TMEM44: variants seen among roughly 807,000 people sequenced by gnomAD.
TMEM44 encodes the protein transmembrane protein 44.
In TMEM44, 43 loss-of-function variants were observed where a neutral mutation model predicts 47.8. That is an observed-to-expected ratio of 0.90 (90% CI 0.70 to 1.16). The LOEUF (loss-of-function observed/expected upper bound fraction) is 1.16, where lower values mean the gene tolerates loss of function less well. Ranked by LOEUF, TMEM44 falls within the 50% of genes most tolerant of loss-of-function variation. The probability of loss-of-function intolerance (pLI) is 0.00; values close to 1 mark genes in which losing one functional copy is unlikely to be tolerated. For synonymous variants in TMEM44, 277 were observed against 238.8 expected, an observed-to-expected ratio of 1.16 and a Z score of -1.48; for missense variants, 568 against 555.2, an observed-to-expected ratio of 1.02 and a Z score of -0.23.
chr3:194,618,547 TTA>T (rs950107470), intron 5 of TMEM44, among the ~76,000 whole-genome samples: 11 of 123,480 alleles, frequency 8.9e-5, no homozygotes, highest in Non-Finnish European at 1.3e-4. Flanking sequence ...ATAAATTAAA[TTA>T]TATATAGTTA....
Position 194,588,610 on chromosome 3 carries a change from G to A in TMEM44, c.1206C>T (p.Gly402=). Residue 402 remains glycine (G), a synonymous_variant, in exon 10 of 10, where the codon GGC becomes GGT. Transcript: ENST00000347147. ...EWDPEDVNLE[G]SKENVELLGS... ...CCAGTAGCTCCACATTTTCTTTGCT[G>A]CCTTCGAGGTTCACATCTTCAGGGT... 6.2e-7 allele frequency: 1 copy of A among 1,614,186 alleles called. No individual in the cohort carries two copies. Among genetic ancestry groups the A allele is most frequent in the Non-Finnish European group, 8.5e-7 (1 of 1,180,038 alleles).
chr3:194,633,222 G>GCTGGGCGCGCGGCGCGGGGCCGGGGAC lies in TMEM44; in HGVS notation c.-34_-8dup, dbSNP rs1460363439. On this transcript the variant is annotated 5_prime_UTR_variant, in exon 1 of 10. Coordinates refer to ENST00000347147, the MANE Select transcript of TMEM44 (RefSeq NM_001011655.3). ...GGCTGGGCGCCTCCCCCATGGCGCGGCTGGGCGCGCGGCGCGGGGCCGGGG... is the reference window on the plus strand; with the variant it reads ...GGCTGGGCGCCTCCCCCATGGCGCGGCTGGGCGCGCGGCGCGGGGCCGGGGACCTGGGCGCGCGGCGCGGGGCCGGGG... 1 of 1,387,030 alleles carries GCTGGGCGCGCGGCGCGGGGCCGGGGAC rather than the reference G, an allele frequency of 7.2e-7. No individual in the cohort carries two copies. Among genetic ancestry groups the GCTGGGCGCGCGGCGCGGGGCCGGGGAC allele is most frequent in the African/African-American group, 1.5e-5 (1 of 65,040 alleles). 85.9% of individuals were successfully genotyped at this position (1,387,030 alleles called of 1,614,324 possible). A position where few individuals can be genotyped will look rare whatever the true frequency, so the allele number is the denominator to read the frequency against.
intron 9 of TMEM44, among the ~76,000 whole-genome samples, chr3:194,595,671 G>A (rs1036589424): frequency 2.0e-5 from 3 of 150,246 alleles, no homozygotes; most frequent in African/African-American, 7.4e-5. Flanking sequence ...TGTTGCCCAG[G>A]CTCGAGTACA....
At chr3:194,594,267 A>C (rs1713142882) in intron 9 of TMEM44, among the ~76,000 whole-genome samples, 1 of 151,452 alleles carries the variant, frequency 6.6e-6, no homozygotes. Context: ...AGGTTCAAGC[A>C]ATTCTCCTGC....
At chr3:194,628,634 C>G in intron 1 of TMEM44, 125 bp from the exon 2 acceptor site, 1 of 1,218,690 alleles carries the variant, frequency 8.2e-7, no homozygotes, top group Non-Finnish European at 1.1e-6. Flanking sequence ...GTATTTAGGA[C>G]GTGTTTTTGA....
At chr3:194,628,575 A>G (rs2108603743) in intron 1 of TMEM44, 66 bp from the exon 2 acceptor site, 1 of 1,518,628 alleles carries the variant, frequency 6.6e-7, no homozygotes. Flanking sequence ...CATGTATCTA[A>G]AAAGGGCAAC....
In TMEM44 at chr3:194,618,129, G is replaced by A. The variant is rs575879421; in HGVS notation, c.613-860C>T. ...GCAAGAACAGCCTAACACAGAGACC[G>A]GATCAGAAGAGCTGAGGCCCGGCCC... On this transcript the variant is annotated intron_variant, in intron 5 of 9. Transcript: ENST00000347147. Among the ~76,000 whole-genome samples, 4 of 152,280 alleles carry A rather than the reference G, an allele frequency of 2.6e-5. No individual in the cohort carries two copies. In the South Asian group the frequency reaches 6.2e-4, roughly 24 times the overall value.
intron 9 of TMEM44, among the ~76,000 whole-genome samples, chr3:194,600,939 C>T (rs1172069173): frequency 1.3e-5 from 2 of 152,190 alleles, no homozygotes; most frequent in East Asian, 1.9e-4. Context: ...TATCTCTTTA[C>T]AGGACCTCAG....
chr3:194,617,610 C>G, intron 5 of TMEM44: 5 of 701,282 alleles, frequency 7.1e-6, no homozygotes, highest in Non-Finnish European at 1.3e-5. Flanking sequence ...TCAGAGAGCT[C>G]CTGAGGGCTG....
intron 5 of TMEM44, among the ~76,000 whole-genome samples, chr3:194,621,206 G>A (rs1042925133): frequency 5.9e-5 from 9 of 152,026 alleles, no homozygotes; most frequent in African/African-American, 9.7e-5. Flanking sequence ...GGAAGGCCAC[G>A]AGAAACCCAG....
At chr3:194,615,091 T>A (rs111654617) in intron 7 of TMEM44, among the ~76,000 whole-genome samples, 2,852 of 151,884 alleles carry the variant, frequency 0.019, 87 homozygotes, top group African/African-American at 0.065. Context: ...AAATACAAAA[T>A]ATTAGCCGGG....
At chr3:194,593,044 C>T in intron 9 of TMEM44, 1 of 1,613,934 alleles carries the variant, frequency 6.2e-7, no homozygotes, top group Non-Finnish European at 8.5e-7. Context: ...TCCATACCTG[C>T]TCCGAGTTTA....
Position 194,633,162 on chromosome 3 carries a change from G to C in TMEM44, c.54C>G (p.Asp18Glu). The C allele has an allele frequency of 6.5e-7, 1 of 1,547,352 alleles. No homozygotes were observed. The highest frequency in any genetic ancestry group is 8.7e-7 in the Non-Finnish European group (1 of 1,146,190). The change falls in exon 1 of 10, where the codon GAC becomes GAG. Residue 18 changes from aspartate to glutamate, a missense_variant. Coordinates refer to ENST00000347147, the MANE Select transcript of TMEM44 (RefSeq NM_001011655.3). ...APALWDWDYL[D>E]RCFARHRVCI... ...AGACGCGGTGGCGGGCGAAGCAGCG[G>C]TCCAGGTAGTCCCAGTCCCAGAGCG... is the stretch of plus-strand genomic sequence containing the variant.
At chr3:194,604,607 G>A (rs1337310357) in intron 8 of TMEM44, among the ~76,000 whole-genome samples, 162 bp from the exon 9 acceptor site, 1 of 152,194 alleles carries the variant, frequency 6.6e-6, no homozygotes, top group African/African-American at 2.4e-5. Context: ...TCTCCCCAGG[G>A]CAGCCAGTGC....
intron 8 of TMEM44, among the ~76,000 whole-genome samples, chr3:194,606,129 C>T (rs997241559): frequency 5.9e-5 from 9 of 152,116 alleles, no homozygotes; most frequent in African/African-American, 4.8e-5. Flanking sequence ...ACCACACCTG[C>T]GTCAAAAGAT....
intron 2 of TMEM44, among the ~76,000 whole-genome samples, chr3:194,626,815 C>G (rs1717234976): frequency 6.6e-6 from 1 of 151,774 alleles, no homozygotes; most frequent in Non-Finnish European, 1.5e-5. Context: ...TCCCGAGCAG[C>G]TGGGACTTCA....
chr3:194,606,952 CA>C (rs561876150), intron 8 of TMEM44, among the ~76,000 whole-genome samples: 14 of 111,750 alleles, frequency 1.3e-4, no homozygotes, highest in Non-Finnish European at 2.1e-4. Context: ...GACTCTGCCT[CA>C]AAAAAAAAAA....
intron 9 of TMEM44, among the ~76,000 whole-genome samples, chr3:194,600,854 C>G (rs1190749873): frequency 6.6e-6 from 1 of 152,204 alleles, no homozygotes; most frequent in Non-Finnish European, 1.5e-5. Context: ...TGTTGTAAGT[C>G]TATATTCAGT....
intron 9 of TMEM44, among the ~76,000 whole-genome samples, chr3:194,596,263 C>T (rs185876519): frequency 6.0e-4 from 92 of 152,216 alleles, no homozygotes; most frequent in African/African-American, 2.2e-3. Context: ...GGAGGCAGAG[C>T]GCGCCTGCAT....
Sources: gnomAD v4.1 joint callset for allele counts (sites outside exome capture counted in the v4.1 genomes callset) on GRCh38, gnomAD v4.1.1 for gene constraint, MANE v1.5 for transcripts, NCBI Gene and HGNC (gene_info 2026-07-23, HGNC 2026-07-21) for gene names.